Variants in SLC13A1 observed in about 807,000 individuals in gnomAD.
The protein encoded by SLC13A1 is solute carrier family 13 member 1.
In SLC13A1, 65 loss-of-function variants were observed where a neutral mutation model predicts 70.0. The ratio of observed to expected loss-of-function variants is 0.93; its 90% CI spans 0.76 to 1.14. The LOEUF is 1.14. Among genes scored for constraint, SLC13A1 ranks in the 50% most tolerant of loss-of-function variants. The pLI is 0.00. For missense variants in SLC13A1, 726 were observed against 717.8 expected (o/e 1.01, Z -0.13); for synonymous variants, 275 against 250.5 (o/e 1.10, Z -0.92).
chr7:123,196,229 C>T (rs575362589), intron 1 of SLC13A1, among the ~76,000 whole-genome samples: 30 of 152,154 alleles, frequency 2.0e-4, no homozygotes, highest in African/African-American at 7.2e-4. Context: ...CAGTTACACT[C>T]CAGACTTGTT....
intron 1 of SLC13A1, among the ~76,000 whole-genome samples, chr7:123,196,371 A>G (rs1002833267): frequency 6.6e-6 from 1 of 152,146 alleles, no homozygotes; most frequent in East Asian, 1.9e-4. Context: ...ATTCACAGCA[A>G]TGTACTAGGA....
chr7:123,151,818 C>A, intron 6 of SLC13A1, among the ~76,000 whole-genome samples: 1 of 152,090 alleles, frequency 6.6e-6, no homozygotes, highest in East Asian at 1.9e-4. Context: ...TCTTCCTCAT[C>A]CCGTCAAATT....
chr7:123,119,231 T>C lies in SLC13A1; in HGVS notation c.1362A>G (p.Leu454=). 1 of 1,597,022 alleles carries C rather than the reference T, an allele frequency of 6.3e-7. No homozygotes were observed. The highest frequency in any genetic ancestry group is 1.1e-5 in the South Asian group (1 of 88,546). Reference sequence around the variant, plus strand: ...ATAATTTATTTCCTATCCACTTAGATAATCCAGACTCCTAAAAAACAAATT... The same window carrying C: ...ATAATTTATTTCCTATCCACTTAGACAATCCAGACTCCTAAAAAACAAATT... ...ALADGCEESG[L]SKWIGNKLSP... The change falls in exon 13 of 15, where the codon TTA becomes TTG. Residue 454 remains leucine, a synonymous_variant. Coordinates refer to ENST00000194130, the MANE Select transcript of SLC13A1 (RefSeq NM_022444.4).
chr7:123,149,716 GA>G, intron 6 of SLC13A1: 2 of 432,418 alleles, frequency 4.6e-6, no homozygotes, highest in Non-Finnish European at 9.3e-6. Context: ...TGGTTATCAA[GA>G]AATTGGCACA....
At chr7:123,195,738 C>T (rs1489433491) in intron 1 of SLC13A1, among the ~76,000 whole-genome samples, 1 of 151,708 alleles carries the variant, frequency 6.6e-6, no homozygotes, top group Non-Finnish European at 1.5e-5. Flanking sequence ...TAGAGAAATC[C>T]AAAATATTTT....
chr7:123,167,797 A>T (rs147019649), intron 6 of SLC13A1, among the ~76,000 whole-genome samples: 71 of 152,236 alleles, frequency 4.7e-4, no homozygotes, highest in Admixed American at 1.8e-3. Context: ...GGAAGCACTA[A>T]AGATAACGAG....
At chr7:123,149,459 ACT>A (rs947431812) in intron 6 of SLC13A1, 3 of 455,800 alleles carry the variant, frequency 6.6e-6, no homozygotes, top group African/African-American at 6.0e-5. Context: ...TAAGTAGGAG[ACT>A]CTTCCCTTCT....
At chr7:123,117,355 A>G in intron 14 of SLC13A1, 116 bp downstream of exon 14, 1 of 1,033,000 alleles carries the variant, frequency 9.7e-7, no homozygotes, top group Non-Finnish European at 1.4e-6. Context: ...CATAAACAGA[A>G]TTCAGGCCCT....
At chr7:123,144,370 T>C (rs1585323762) in intron 7 of SLC13A1, among the ~76,000 whole-genome samples, 1 of 152,140 alleles carries the variant, frequency 6.6e-6, no homozygotes, top group Non-Finnish European at 1.5e-5. Flanking sequence ...ACTGTAAGTT[T>C]TAGAGGTTAG....
At chr7:123,183,689 C>A (rs79320447) in intron 1 of SLC13A1, among the ~76,000 whole-genome samples, 4 of 152,146 alleles carry the variant, frequency 2.6e-5, no homozygotes, top group Non-Finnish European at 5.9e-5. Context: ...CCCAGACACA[C>A]TGAATCAATC....
intron 6 of SLC13A1, among the ~76,000 whole-genome samples, chr7:123,147,717 G>A (rs1432698909): frequency 6.6e-6 from 1 of 152,132 alleles, no homozygotes; most frequent in African/African-American, 2.4e-5. Flanking sequence ...TTTTGTTATG[G>A]TGATATGAGC....
rs559495307 is a variant in SLC13A1, at chr7:123,180,190, AAAG to A, written c.228+780_228+782del. Among the ~76,000 whole-genome samples the A allele has an allele frequency of 2.2e-4, 33 of 152,282 alleles. No individual in the cohort carries two copies. In the South Asian group the frequency reaches 6.0e-3, roughly 28 times the overall value. On this transcript the variant is annotated intron_variant, in intron 2 of 14. Coordinates refer to ENST00000194130, the MANE Select transcript of SLC13A1 (RefSeq NM_022444.4). ...AAATCAGGAAGAAGGACGTGAAAAT[AAAG>A]AAGGGAACCATTCCTTTCACAGGAA...
intron 2 of SLC13A1, among the ~76,000 whole-genome samples, chr7:123,178,033 C>CTCTCTCTCTCTCTCTCTCTCTA (rs761704605): frequency 3.3e-5 from 5 of 150,042 alleles, no homozygotes; most frequent in African/African-American, 1.2e-4. Flanking sequence ...CTCTCTCTCT[C>CTCTCTCTCTCTCTCTCTCTCTA]TATATATATA....
intron 2 of SLC13A1, among the ~76,000 whole-genome samples, chr7:123,178,033 C>CTCTATATA (rs761704605): frequency 2.9e-4 from 44 of 150,048 alleles, no homozygotes; most frequent in African/African-American, 9.1e-4. Flanking sequence ...CTCTCTCTCT[C>CTCTATATA]TATATATATA....
intron 14 of SLC13A1, among the ~76,000 whole-genome samples, chr7:123,116,190 A>C (rs2116233374): frequency 6.6e-6 from 1 of 152,300 alleles, no homozygotes; most frequent in South Asian, 2.1e-4. Flanking sequence ...CATGTCTATT[A>C]TCTTTCTTAG....
chr7:123,198,641 T>C (rs1195148781), intron 1 of SLC13A1, among the ~76,000 whole-genome samples: 1 of 152,062 alleles, frequency 6.6e-6, no homozygotes, highest in Non-Finnish European at 1.5e-5. Context: ...AAGGACTTTA[T>C]TAGCTCACAT....
At chr7:123,175,826 T>C (rs1414637782) in intron 2 of SLC13A1, among the ~76,000 whole-genome samples, 2 of 152,192 alleles carry the variant, frequency 1.3e-5, no homozygotes, top group East Asian at 3.9e-4. Flanking sequence ...AATAAACACT[T>C]AGAAGCAAGC....
chr7:123,132,740 C>T (rs1030089198), intron 8 of SLC13A1, among the ~76,000 whole-genome samples: 3 of 151,918 alleles, frequency 2.0e-5, no homozygotes, highest in Admixed American at 2.0e-4. Context: ...TAAATAAAAC[C>T]CCACAAAAAT....
chr7:123,133,752 G>T (rs1328080925), intron 8 of SLC13A1, among the ~76,000 whole-genome samples: 1 of 151,914 alleles, frequency 6.6e-6, no homozygotes, highest in African/African-American at 2.4e-5. Flanking sequence ...GGATTGTGTC[G>T]ATATCCTGAC....
Sources: gnomAD v4.1 joint callset for allele counts (sites outside exome capture counted in the v4.1 genomes callset) on GRCh38, gnomAD v4.1.1 for gene constraint, MANE v1.5 for transcripts, NCBI Gene and HGNC (gene_info 2026-07-23, HGNC 2026-07-21) for gene names.